KREMEN1: variants seen among roughly 807,000 people sequenced by gnomAD.
KREMEN1 encodes the protein kringle containing transmembrane protein 1, also known as kremen protein 1.
KREMEN1 carries 30 observed loss-of-function variants against 46.5 expected under a neutral mutation model. That is an observed-to-expected ratio of 0.65 (90% confidence interval 0.48 to 0.88). KREMEN1 has a LOEUF of 0.88. Among genes scored for constraint, KREMEN1 ranks in the 40% least tolerant of loss-of-function variants. The pLI, the probability that KREMEN1 is intolerant of heterozygous loss-of-function variation, is 0.00. For synonymous variants in KREMEN1, 214 were observed against 230.6 expected (o/e 0.93, Z 0.65); for missense variants, 533 against 596.9 (o/e 0.89, Z 1.11).
intron 3 of KREMEN1, among the ~76,000 whole-genome samples, chr22:29,116,997 A>G (rs905335247): frequency 2.6e-5 from 4 of 152,192 alleles, no homozygotes; most frequent in African/African-American, 7.2e-5. Flanking sequence ...GGTGAGCCAC[A>G]TTTGTTATAT....
At chr22:29,138,973 G>C in intron 7 of KREMEN1, 191 bp downstream of exon 7, 1 of 787,832 alleles carries the variant, frequency 1.3e-6, no homozygotes, top group East Asian at 2.7e-5. Context: ...CCTTAGTCCT[G>C]AGGGAAAAGT....
chr22:29,088,998 C>T (rs2037770048), intron 1 of KREMEN1, among the ~76,000 whole-genome samples: 1 of 152,212 alleles, frequency 6.6e-6, no homozygotes, highest in Non-Finnish European at 1.5e-5. Flanking sequence ...TTTTCTCCTA[C>T]CCCACAGGCT....
Position 29,143,503 on chromosome 22 carries a change from G to C in KREMEN1, c.*1391G>C. 1.0e-6 allele frequency: 1 copy of C among 968,720 alleles called. No homozygotes were observed. The highest frequency in any genetic ancestry group is 1.2e-6 in the Non-Finnish European group (1 of 814,606). The allele number at this position is 968,720 out of a possible 1,614,324, so 60.0% of individuals were successfully genotyped here. ...CATGCCTGTAATCCCAGCACTTTGG[G>C]AGGCTGAGGCGGGTGGATCACGAGG... is the stretch of plus-strand genomic sequence containing the variant. On this transcript the variant is annotated 3_prime_UTR_variant, in exon 9 of 9. Transcript: ENST00000400335.
At chr22:29,159,624 T>TAAAAA (rs2038993339) in intron 9 of KREMEN1, among the ~76,000 whole-genome samples, 1 of 124,040 alleles carries the variant, frequency 8.1e-6, no homozygotes, top group African/African-American at 3.1e-5. Flanking sequence ...GTCTAAAAAA[T>TAAAAA]AAAAAACAAA....
intron 3 of KREMEN1, among the ~76,000 whole-genome samples, chr22:29,117,385 G>T (rs1042844451): frequency 6.6e-6 from 1 of 152,162 alleles, no homozygotes; most frequent in Non-Finnish European, 1.5e-5. Context: ...GGCTAACATG[G>T]TGAAACCCTG....
At position 29,140,334 on chromosome 22, in the gene KREMEN1, T is replaced by C; in HGVS notation, c.1176T>C (p.Ile392=). 6.2e-7 allele frequency: 1 copy of C among 1,614,130 alleles called. No homozygotes were observed. The highest frequency in any genetic ancestry group is 1.3e-5 in the African/African-American group (1 of 75,056). ...TCCTCATCCTCACAGTCACAGCCATTGTAGCAAAGATACTTCTGCACGTCA... is the reference window on the plus strand; with the variant it reads ...TCCTCATCCTCACAGTCACAGCCATCGTAGCAAAGATACTTCTGCACGTCA... ...ATLLILTVTA[I]VAKILLHVTF... is the part of the protein sequence containing the mutation. Residue 392 remains isoleucine, a synonymous_variant, in exon 8 of 9, where the codon ATT becomes ATC. Coordinates refer to ENST00000400335, the MANE Select transcript of KREMEN1 (RefSeq NM_001039570.3).
At chr22:29,157,111 T>C (rs955764105) in intron 9 of KREMEN1, among the ~76,000 whole-genome samples, 1 of 145,232 alleles carries the variant, frequency 6.9e-6, no homozygotes, top group Non-Finnish European at 1.5e-5. Context: ...TTCCAGAGGG[T>C]TATCATCTTC....
intron 2 of KREMEN1, among the ~76,000 whole-genome samples, chr22:29,094,861 T>C (rs1194438651): frequency 3.3e-5 from 5 of 152,064 alleles, no homozygotes. Flanking sequence ...CCTGACCTTG[T>C]GATCCGCCCG....
At chr22:29,100,712 C>A (rs915155576) in intron 3 of KREMEN1, among the ~76,000 whole-genome samples, 1 of 152,118 alleles carries the variant, frequency 6.6e-6, no homozygotes, top group Non-Finnish European at 1.5e-5. Context: ...AGTGAAACAG[C>A]CTCAGGCAGC....
chr22:29,146,166 G>A lies in KREMEN1; in HGVS notation c.*4054G>A, dbSNP rs887590643. 2.0e-6 allele frequency: 2 copies of A among 982,694 alleles called. No individual in the cohort carries two copies. Among genetic ancestry groups the A allele is most frequent in the African/African-American group, 1.8e-5 (1 of 55,012 alleles). The allele number at this position is 982,694 out of a possible 1,614,324, so 60.9% of individuals were successfully genotyped here. ...GATCTCCCGTGTGGTGTTTGATGTC[G>A]GCTTTTGTTCCTACCTTGGGAGTTT... is the stretch of plus-strand genomic sequence containing the variant. On this transcript the variant is annotated 3_prime_UTR_variant, in exon 9 of 9. Coordinates refer to ENST00000400335, the MANE Select transcript of KREMEN1 (RefSeq NM_001039570.3).
intron 3 of KREMEN1, among the ~76,000 whole-genome samples, chr22:29,114,354 C>T (rs150295969): frequency 0.017 from 2,615 of 151,888 alleles, 76 homozygotes; most frequent in African/African-American, 0.06. Context: ...GGCATGGTGG[C>T]GGGCACCTGT....
In KREMEN1 at chr22:29,095,531, G is replaced by A. The variant is rs115005316; in HGVS notation, c.260+1111G>A. On this transcript the variant is annotated intron_variant, in intron 2 of 8. Transcript: ENST00000400335. ...TTGAATTTAATTATTATTAGTACAG[G>A]TGCAAAGGCAGCCTCTTGAGCTACT... Among the ~76,000 whole-genome samples the A allele has an allele frequency of 8.2e-3, 1,254 of 152,284 alleles. 12 individuals carry two copies. The highest frequency in any genetic ancestry group is 0.029 in the African/African-American group (1,202 of 41,564).
intron 5 of KREMEN1, among the ~76,000 whole-genome samples, chr22:29,126,750 T>C (rs2038450780): frequency 6.6e-6 from 1 of 152,202 alleles, no homozygotes; most frequent in Non-Finnish European, 1.5e-5. Context: ...ATCTAAAGTG[T>C]GTTTGTATTT....
At chr22:29,141,631 C>A (rs1365867518) in intron 8 of KREMEN1, among the ~76,000 whole-genome samples, 1 of 152,154 alleles carries the variant, frequency 6.6e-6, no homozygotes, top group Non-Finnish European at 1.5e-5. Context: ...GAAGACAGTT[C>A]TTTTATTTAA....
rs577388409 is a variant in KREMEN1, at chr22:29,095,076, C to T, written c.260+656C>T. Among the ~76,000 whole-genome samples the T allele has an allele frequency of 9.2e-4, 140 of 152,306 alleles. 1 individual carries two copies. The highest frequency in any genetic ancestry group is 1.8e-3 in the Non-Finnish European group (121 of 68,028). On this transcript the variant is annotated intron_variant, in intron 2 of 8. Coordinates refer to ENST00000400335, the MANE Select transcript of KREMEN1 (RefSeq NM_001039570.3). ...ACAGTTAGCAGAGCAGCCTACACTA[C>T]CGAGAATGTCGTGGTCAGACAGCAC... is the stretch of plus-strand genomic sequence containing the variant.
chr22:29,121,626 A>G, intron 4 of KREMEN1, 145 bp downstream of exon 4: 1 of 962,224 alleles, frequency 1.0e-6, no homozygotes, highest in Non-Finnish European at 1.5e-6. Context: ...TGAATTGTCT[A>G]GAATAGGCAA....
chr22:29,164,288 T>C (rs1315318890), intron 9 of KREMEN1, among the ~76,000 whole-genome samples: 1 of 152,212 alleles, frequency 6.6e-6, no homozygotes, highest in Non-Finnish European at 1.5e-5. Flanking sequence ...TCCTTTGTTG[T>C]ATTGGCTGGA....
chr22:29,153,752 G>A (rs1052016879), intron 9 of KREMEN1, among the ~76,000 whole-genome samples: 4 of 151,984 alleles, frequency 2.6e-5, no homozygotes, highest in Non-Finnish European at 5.9e-5. Flanking sequence ...AGGCCGAGGC[G>A]GGCGGATCAC....
In KREMEN1 at chr22:29,125,433, C is replaced by T. The variant is rs2038426702; in HGVS notation, c.631+17C>T. On this transcript the variant is annotated intron_variant, in intron 5 of 8. Transcript: ENST00000400335. ...TCTTTGATAGTGAGTATGCCCTGTG[C>T]CCATCACTGCCCAAGGCACAGGAAC... 1 of 1,612,682 alleles carries T rather than the reference C, an allele frequency of 6.2e-7. No homozygotes were observed. Among genetic ancestry groups the T allele is most frequent in the Non-Finnish European group, 8.5e-7 (1 of 1,178,936 alleles).
Sources: allele counts gnomAD v4.1 joint callset (sites outside exome capture counted in the v4.1 genomes callset), GRCh38; gene constraint gnomAD v4.1.1; transcripts MANE v1.5; gene names NCBI Gene and HGNC (gene_info 2026-07-23, HGNC 2026-07-21).